CFAP298: variants seen among roughly 807,000 people sequenced by gnomAD.
CFAP298 encodes the protein cilia and flagella associated protein 298, also known as cilia- and flagella-associated protein 298.
Under a neutral mutation model 41.0 loss-of-function variants are expected in CFAP298, and 38 were observed. The ratio of observed to expected loss-of-function variants is 0.93; its 90% CI spans 0.72 to 1.22. The LOEUF (loss-of-function observed/expected upper bound fraction) is 1.22. CFAP298 is among the 50% of genes most tolerant of loss of function. The pLI is 0.00. For missense variants in CFAP298, 348 were observed against 360.3 expected, an observed-to-expected ratio of 0.97 and a Z score of 0.28; for synonymous variants, 137 against 135.3, an observed-to-expected ratio of 1.01 and a Z score of -0.09.
At chr21:32,611,132 C>G (rs1383821848) in intron 1 of CFAP298, among the ~76,000 whole-genome samples, 1 of 151,318 alleles carries the variant, frequency 6.6e-6, no homozygotes, top group Non-Finnish European at 1.5e-5. Flanking sequence ...GATGAAACCC[C>G]GTGTCCACTA....
At chr21:32,602,035 A>G (rs907065627) in intron 6 of CFAP298, 62 bp from the exon 7 acceptor site, 13 of 1,106,838 alleles carry the variant, frequency 1.2e-5, no homozygotes, top group Non-Finnish European at 1.8e-5. Context: ...ACATAAAGAG[A>G]CTGAAGAAAG....
chr21:32,601,840 G>A lies in CFAP298; in HGVS notation c.*23C>T, dbSNP rs760691077. 3 of 1,258,900 alleles carry A rather than the reference G, an allele frequency of 2.4e-6. No homozygotes were observed. Among genetic ancestry groups the A allele is most frequent in the East Asian group, 2.3e-5 (1 of 43,226 alleles). The allele number at this position is 1,258,900 out of a possible 1,614,324, so 78.0% of individuals were successfully genotyped here. On this transcript the variant is annotated 3_prime_UTR_variant, in exon 7 of 7. Coordinates refer to ENST00000290155, the MANE Select transcript of CFAP298 (RefSeq NM_021254.4). ...GGAGAAAGGTGAGCTAATCTCTTTG[G>A]AAGTGTCATCAGCTGGTGAACTTCA...
chr21:32,611,964 AGT>A, intron 1 of CFAP298, 139 bp downstream of exon 1: 2 of 1,002,280 alleles, frequency 2.0e-6, no homozygotes, highest in Non-Finnish European at 2.7e-6. Context: ...GGTTAACCCT[AGT>A]GTCCCGTTTC....
intron 4 of CFAP298, among the ~76,000 whole-genome samples, chr21:32,603,550 GT>G (rs527628391): frequency 4.5e-4 from 68 of 152,200 alleles, no homozygotes; most frequent in Non-Finnish European, 6.8e-4. Flanking sequence ...GATCCATATA[GT>G]TCGTCTTAGA....
At chr21:32,611,878 C>T (rs1266882449) in intron 1 of CFAP298, among the ~76,000 whole-genome samples, 1 of 152,150 alleles carries the variant, frequency 6.6e-6, no homozygotes, top group Non-Finnish European at 1.5e-5. Context: ...ATCCTGGCTC[C>T]GAGAGGCACC....
At chr21:32,606,939 C>T (rs2038878233) in intron 3 of CFAP298, among the ~76,000 whole-genome samples, 1 of 151,094 alleles carries the variant, frequency 6.6e-6, no homozygotes, top group Non-Finnish European at 1.5e-5. Flanking sequence ...AAGACAATTA[C>T]AAAAAACCAT....
intron 2 of CFAP298, 137 bp from the exon 3 acceptor site, chr21:32,607,853 A>G: frequency 1.7e-6 from 1 of 581,844 alleles, no homozygotes. Context: ...AGGGAAGAGA[A>G]GCAAGAAACC....
rs558738577 is a variant in CFAP298, at chr21:32,602,808, C to T, written c.666+353G>A. The T allele has an allele frequency of 7.3e-6, 10 of 1,378,242 alleles. No individual in the cohort carries two copies. In the African/African-American group the frequency reaches 8.7e-5, roughly 12 times the overall value. The allele number at this position is 1,378,242 out of a possible 1,614,324, so 85.4% of individuals were successfully genotyped here. ...AGGTCTCGAACCTTTCCTCCTCCCC[C>T]TCCTGTACACAGCATCAGCAGTTTG... On this transcript the variant is annotated intron_variant, in intron 5 of 6. Coordinates refer to ENST00000290155, the MANE Select transcript of CFAP298 (RefSeq NM_021254.4).
chr21:32,612,036 C>T, intron 1 of CFAP298, 69 bp downstream of exon 1: 1 of 1,459,538 alleles, frequency 6.9e-7, no homozygotes, highest in South Asian at 1.4e-5. Flanking sequence ...TCGGCCCACC[C>T]TGCCCCTCTT....
chr21:32,602,335 A>G lies in CFAP298; in HGVS notation c.699T>C (p.Ile233=), dbSNP rs914485251. Residue 233 remains isoleucine, a synonymous_variant, in exon 6 of 7, where the codon ATT becomes ATC. Transcript: ENST00000290155. ...RGQGAPAREP[I]ISSEEQKQLM... Reference sequence around the variant, plus strand: ...GCTGCTTCTGCTCCTCACTGCTAATAATAGGCTCTCGGGCTGGAGCTCCCT... The same window carrying G: ...GCTGCTTCTGCTCCTCACTGCTAATGATAGGCTCTCGGGCTGGAGCTCCCT... 3.1e-6 allele frequency: 5 copies of G among 1,613,900 alleles called. No individual in the cohort carries two copies. Among genetic ancestry groups the G allele is most frequent in the Non-Finnish European group, 4.2e-6 (5 of 1,180,016 alleles).
intron 1 of CFAP298, 147 bp downstream of exon 1, chr21:32,611,958 A>T: frequency 1.1e-6 from 1 of 948,112 alleles, no homozygotes; most frequent in Non-Finnish European, 1.4e-6. Context: ...ATCTCCGGTT[A>T]ACCCTAGTGT....
intron 5 of CFAP298, 69 bp from the exon 6 acceptor site, chr21:32,602,436 C>G (rs2038764808): frequency 3.2e-6 from 5 of 1,556,710 alleles, no homozygotes; most frequent in Non-Finnish European, 3.5e-6. Flanking sequence ...GAAGTTACAA[C>G]AAATGTTTTA....
Position 32,607,716 on chromosome 21 carries a change from G to T in CFAP298, c.308C>A (p.Ala103Asp), listed in dbSNP as rs2146563694. The T allele has an allele frequency of 1.3e-6, 2 of 1,580,692 alleles. No homozygotes were observed. The highest frequency in any genetic ancestry group is 8.7e-7 in the Non-Finnish European group (1 of 1,155,976). Residue 103 changes from alanine (A) to aspartate (D), a missense_variant and splice_region_variant, in exon 3 of 7, where the codon GCT becomes GAT. By Grantham distance (126) the Ala-to-Asp change is moderately radical. Coordinates refer to ENST00000290155, the MANE Select transcript of CFAP298 (RefSeq NM_021254.4). The stretch of plus-strand genomic sequence containing the variant: ...CACTTGCTTCATCTTCTCATTTGGA[G>T]CTATAAAAATAAAAAGGAGAGAGGG... Reference protein sequence around the residue: ...KDDIGRRNGQAPNEKMKQVLK... With the variant: ...KDDIGRRNGQDPNEKMKQVLK...
chr21:32,603,876 G>C (rs2038807731), intron 4 of CFAP298, among the ~76,000 whole-genome samples: 1 of 152,182 alleles, frequency 6.6e-6, no homozygotes, highest in Non-Finnish European at 1.5e-5. Flanking sequence ...AATGTTTGCA[G>C]TCACTCCTGA....
At position 32,601,668 on chromosome 21, in the gene CFAP298, T is replaced by C. The variant is rs1022965416; in HGVS notation, c.*195A>G. The C allele has an allele frequency of 3.4e-5, 17 of 501,530 alleles. No homozygotes were observed. The highest frequency in any genetic ancestry group is 3.0e-4 in the African/African-American group (16 of 52,488). 31.1% of individuals were successfully genotyped at this position (501,530 alleles called of 1,614,324 possible). The stretch of plus-strand genomic sequence containing the variant: ...CCTGAAACAAAAACGATTTACACAT[T>C]TTCTTCTGACTAGGTATTTATTAAG... On this transcript the variant is annotated 3_prime_UTR_variant, in exon 7 of 7. Coordinates refer to ENST00000290155, the MANE Select transcript of CFAP298 (RefSeq NM_021254.4).
rs1393759033 is a variant in CFAP298 at position 32,612,139 on chromosome 21, A to G, written c.105T>C (p.Tyr35=). 2 of 1,570,806 alleles carry G rather than the reference A, an allele frequency of 1.3e-6. No individual in the cohort carries two copies. The highest frequency in any genetic ancestry group is 1.7e-6 in the Non-Finnish European group (2 of 1,158,486). ...GGCGCTGCACCTTGAGCCGCCCATTATAGACCCGGGCCACCTGCACCGTGA... is the reference window on the plus strand; with the variant it reads ...GGCGCTGCACCTTGAGCCGCCCATTGTAGACCCGGGCCACCTGCACCGTGA... ...EELTVQVARV[Y]NGRLKVQRLC... is the part of the protein sequence containing the mutation. Residue 35 remains tyrosine, a synonymous_variant, in exon 1 of 7, where the codon TAT becomes TAC. Coordinates refer to ENST00000290155, the MANE Select transcript of CFAP298 (RefSeq NM_021254.4).
chr21:32,604,892 T>C (rs2038834218), intron 3 of CFAP298, among the ~76,000 whole-genome samples: 1 of 152,218 alleles, frequency 6.6e-6, no homozygotes, highest in Admixed American at 6.5e-5. Flanking sequence ...ACAGACCTAG[T>C]TGGCCAGATG....
At chr21:32,603,435 G>T in intron 4 of CFAP298, 143 bp from the exon 5 acceptor site, 1 of 782,438 alleles carries the variant, frequency 1.3e-6, no homozygotes, top group Non-Finnish European at 2.0e-6. Context: ...CTCACTCTAA[G>T]TCCTTGCTGA....
chr21:32,609,709 G>T, intron 2 of CFAP298, 129 bp downstream of exon 2: 1 of 751,698 alleles, frequency 1.3e-6, no homozygotes, highest in South Asian at 2.0e-5. Context: ...AGGTGGCAGT[G>T]AGCTGAGATT....
Sources: allele counts gnomAD v4.1 joint callset (sites outside exome capture counted in the v4.1 genomes callset), GRCh38; gene constraint gnomAD v4.1.1; transcripts MANE v1.5; gene names NCBI Gene and HGNC (gene_info 2026-07-23, HGNC 2026-07-21).